DCP1B: variants seen among roughly 807,000 people sequenced by gnomAD.
DCP1B encodes the protein mRNA-decapping enzyme 1B.
Under a neutral mutation model 60.5 loss-of-function variants are expected in DCP1B, and 47 were observed. The observed-to-expected ratio is 0.78, with a 90% CI of 0.61 to 0.99. DCP1B has a LOEUF of 0.99. Among genes scored for constraint, DCP1B ranks in the 50% least tolerant of loss-of-function variants. DCP1B has a pLI of 0.00. For synonymous variants in DCP1B, 267 were observed against 280.3 expected (o/e 0.95, Z 0.47); for missense variants, 725 against 756.8 (o/e 0.96, Z 0.49).
At position 1,962,536 on chromosome 12, in the gene DCP1B, G is replaced by A. The variant is rs1397777576; in HGVS notation, c.522+3022C>T. 1.3e-5 allele frequency among the ~76,000 whole-genome samples: 2 copies of A among 152,062 alleles called. No individual in the cohort carries two copies. Among genetic ancestry groups the A allele is most frequent in the South Asian group, 2.1e-4 (1 of 4,814 alleles). The stretch of plus-strand genomic sequence containing the variant: ...CTTCACAGAACATTAAGTTCCTGGA[G>A]GGCAGAAATGTCACCTTTTGAAGAT... On this transcript the variant is annotated intron_variant, in intron 5 of 8. Transcript: ENST00000280665. The surrounding 1 kb of genome is among the most constrained non-coding windows in gnomAD (Gnocchi z 4.4).
chr12:1,943,528 C>T (rs567218757), downstream of DCP1B, among the ~76,000 whole-genome samples: 19 of 152,236 alleles, frequency 1.2e-4, 1 homozygote, highest in South Asian at 2.1e-4. Flanking sequence ...AACATCAAAG[C>T]GAAAATCCTT....
intron 3 of DCP1B, among the ~76,000 whole-genome samples, chr12:1,968,245 G>C (rs914292909): frequency 8.6e-5 from 13 of 151,878 alleles, no homozygotes; most frequent in Non-Finnish European, 1.8e-4. Flanking sequence ...CCAGCTACTC[G>C]GGATGCAGAG....
intron 3 of DCP1B, among the ~76,000 whole-genome samples, chr12:1,975,847 A>G (rs185193145): frequency 3.0e-4 from 45 of 152,280 alleles, no homozygotes; most frequent in African/African-American, 7.0e-4. Context: ...ATATATTCAC[A>G]TGAAGGTTCT....
At chr12:1,957,121 C>T (rs1301751172) in intron 5 of DCP1B, among the ~76,000 whole-genome samples, 1 of 152,204 alleles carries the variant, frequency 6.6e-6, no homozygotes, top group African/African-American at 2.4e-5. Flanking sequence ...TAGTTTGTAG[C>T]TCATTTTCCA....
At chr12:1,995,801 A>C (rs2040657949) in intron 2 of DCP1B, among the ~76,000 whole-genome samples, 1 of 151,320 alleles carries the variant, frequency 6.6e-6, no homozygotes, top group African/African-American at 2.4e-5. Flanking sequence ...CTTTATACTC[A>C]CTCCTTCAGG....
At position 1,971,149 on chromosome 12, in the gene DCP1B, G is replaced by A. The variant is rs1291004870; in HGVS notation, c.320-3239C>T. ...CTGCCAACACGGAGGTCAAGTTTAA[G>A]GGTACTTTGGTGCATGAAGCTCAAC... On this transcript the variant is annotated intron_variant, in intron 3 of 8. Transcript: ENST00000280665. The surrounding 1 kb of genome is among the most constrained non-coding windows in gnomAD (Gnocchi z 4.2). The A allele has an allele frequency of 1.6e-6, 2 of 1,289,420 alleles. No homozygotes were observed. Among genetic ancestry groups the A allele is most frequent in the South Asian group, 2.5e-5 (2 of 81,008 alleles). 79.9% of individuals were successfully genotyped at this position (1,289,420 alleles called of 1,614,324 possible).
Position 1,949,296 on chromosome 12 carries a change from C to G in DCP1B, c.1563G>C (p.Pro521=). Residue 521 remains proline, a synonymous_variant, in exon 8 of 9, where the codon CCG becomes CCC. Coordinates refer to ENST00000280665, the MANE Select transcript of DCP1B (RefSeq NM_152640.5). ...SPQRIPATAA[P]SLLMSPMVFA... is the part of the protein sequence containing the mutation. The stretch of plus-strand genomic sequence containing the variant: ...ACACCATGGGGGACATAAGCAGAGA[C>G]GGAGCTGCTGTAGCAGGGATGCGCT... The G allele has an allele frequency of 6.2e-7, 1 of 1,614,068 alleles. No homozygotes were observed. The highest frequency in any genetic ancestry group is 8.5e-7 in the Non-Finnish European group (1 of 1,180,028).
intron 1 of DCP1B, 87 bp from the exon 2 acceptor site, chr12:1,998,062 A>T (rs1027661197): frequency 5.6e-5 from 70 of 1,240,400 alleles, no homozygotes; most frequent in Non-Finnish European, 7.6e-5. Context: ...AATAGGAATT[A>T]TATATAACTT....
chr12:1,949,390 T>C (rs1360329145), intron 7 of DCP1B, 56 bp from the exon 8 acceptor site: 2 of 1,593,376 alleles, frequency 1.3e-6, no homozygotes, highest in South Asian at 1.1e-5. Context: ...CACGGCATGA[T>C]AGCTTGCAGC....
chr12:1,970,104 C>T (rs1181084005), intron 3 of DCP1B, among the ~76,000 whole-genome samples: 1 of 152,030 alleles, frequency 6.6e-6, no homozygotes, highest in African/African-American at 2.4e-5. Context: ...ATTAGGCTTT[C>T]GTAAGGGTGG....
intron 3 of DCP1B, among the ~76,000 whole-genome samples, chr12:1,989,531 C>T (rs1001279542): frequency 1.3e-5 from 2 of 152,246 alleles, no homozygotes; most frequent in East Asian, 1.9e-4. Flanking sequence ...CTGGCCAACA[C>T]GGTGAAACCC....
At position 2,001,824 on chromosome 12, in the gene DCP1B, T is replaced by C. The variant is rs187740601; in HGVS notation, c.150+2458A>G. 7.9e-5 allele frequency among the ~76,000 whole-genome samples: 12 copies of C among 152,312 alleles called. 1 individual carries two copies. The highest frequency in any genetic ancestry group is 6.2e-4 in the South Asian group (3 of 4,828). On this transcript the variant is annotated intron_variant, in intron 1 of 8. Transcript: ENST00000280665. ...TTCAGGCTCAGCATTCCCTGGCCTC[T>C]ACTCTATAGATGTCACAACACTCTT...
At chr12:1,993,525 C>A in intron 2 of DCP1B, 134 bp from the exon 3 acceptor site, 2 of 1,041,136 alleles carry the variant, frequency 1.9e-6, no homozygotes, top group Non-Finnish European at 2.7e-6. Context: ...AGCCTGTACA[C>A]GTACTTCTTC....
chr12:1,984,777 G>A (rs549457212), intron 3 of DCP1B, among the ~76,000 whole-genome samples: 893 of 63,104 alleles, frequency 0.014, 8 homozygotes, highest in African/African-American at 0.05. Flanking sequence ...GGGTCTTCTG[G>A]TAAAAAAAAA....
At chr12:1,986,245 T>C (rs944934371) in intron 3 of DCP1B, among the ~76,000 whole-genome samples, 2 of 152,216 alleles carry the variant, frequency 1.3e-5, no homozygotes, top group Non-Finnish European at 2.9e-5. Context: ...TGTATGTAGC[T>C]CACAGGTGGA....
chr12:1,947,300 T>C (rs1404664392), intron 8 of DCP1B, among the ~76,000 whole-genome samples: 1 of 152,184 alleles, frequency 6.6e-6, no homozygotes, highest in Non-Finnish European at 1.5e-5. Flanking sequence ...ACATTCCCCC[T>C]TCATTCCCTC....
At chr12:1,967,961 A>G in intron 3 of DCP1B, 51 bp from the exon 4 acceptor site, 2 of 1,457,696 alleles carry the variant, frequency 1.4e-6, no homozygotes, top group African/African-American at 1.4e-5. Context: ...AAACTACAAA[A>G]TAGAAAAAAA....
intron 3 of DCP1B, among the ~76,000 whole-genome samples, chr12:1,986,139 T>C (rs2037703158): frequency 6.6e-6 from 1 of 152,260 alleles, no homozygotes; most frequent in South Asian, 2.1e-4. Context: ...AAGGTGTTTA[T>C]GTCTGCCCTA....
chr12:1,949,912 T>C, intron 7 of DCP1B: 1 of 192,822 alleles, frequency 5.2e-6, no homozygotes, highest in Non-Finnish European at 1.1e-5. Flanking sequence ...GTGTTTGGGC[T>C]GACCCGGGCG....
Sources: gnomAD v4.1 joint callset for allele counts (sites outside exome capture counted in the v4.1 genomes callset) on GRCh38, gnomAD v4.1.1 for gene constraint, Gnocchi (gnomAD v3.1) non-coding constraint, MANE v1.5 for transcripts, NCBI Gene and HGNC (gene_info 2026-07-23, HGNC 2026-07-21) for gene names.